The following ZNF572 variants were observed in gnomAD, a reference collection of about 807,000 sequenced individuals.
ZNF572 encodes zinc finger protein 572.
Under a neutral mutation model 3.8 loss-of-function variants are expected in ZNF572, and 2 were observed. That is an observed-to-expected ratio of 0.52 (90% confidence interval 0.21 to 1.65). The LOEUF is 1.65. ZNF572 is among the 40% of genes most tolerant of loss of function. The pLI is 0.20. For missense variants in ZNF572, 581 were observed against 633.4 expected (o/e 0.92, Z 0.89); for synonymous variants, 187 against 204.5 (o/e 0.91, Z 0.73).
chr8:124,974,582 A>T (rs1814479867), intron 1 of ZNF572, among the ~76,000 whole-genome samples: 1 of 152,096 alleles, frequency 6.6e-6, no homozygotes, highest in African/African-American at 2.4e-5. Context: ...TTACGTCCTT[A>T]TTTTTCTCCC....
chr8:124,978,026 T>A lies in ZNF572; in HGVS notation c.*168T>A, dbSNP rs1010421778. ...GGGAAGACCCCAATCACCAGGTTATTGGATCTGTCCAGTGAGAGATTCATC... is the reference window on the plus strand; with the variant it reads ...GGGAAGACCCCAATCACCAGGTTATAGGATCTGTCCAGTGAGAGATTCATC... On this transcript the variant is annotated 3_prime_UTR_variant, in exon 3 of 3. Transcript: ENST00000319286. The A allele has an allele frequency of 9.9e-6, 7 of 705,938 alleles. No homozygotes were observed. The highest frequency in any genetic ancestry group is 1.4e-5 in the Non-Finnish European group (6 of 441,368). The allele number at this position is 705,938 out of a possible 1,614,324, so 43.7% of individuals were successfully genotyped here. A position where few individuals can be genotyped will look rare whatever the true frequency, so the allele number is the denominator to read the frequency against.
In ZNF572 at chr8:124,975,734, CGAT is replaced by C; in HGVS notation, c.79+19_79+21del. The C allele has an allele frequency of 6.2e-7, 1 of 1,603,534 alleles. No homozygotes were observed. The highest frequency in any genetic ancestry group is 1.3e-5 in the African/African-American group (1 of 74,788). ...CCCTTTCACAGGTGAGGGATCAAGA[CGAT>C]GATCTGAATCCTTAGGAAATTTGAT... On this transcript the variant is annotated intron_variant, in intron 2 of 2. Transcript: ENST00000319286.
chr8:124,974,993 A>G (rs1814489101), intron 1 of ZNF572, among the ~76,000 whole-genome samples: 1 of 152,184 alleles, frequency 6.6e-6, no homozygotes, highest in South Asian at 2.1e-4. Flanking sequence ...TGTGAATATG[A>G]TAGACTTAGG....
Position 124,978,489 on chromosome 8 carries a change from T to A in ZNF572, c.*631T>A, listed in dbSNP as rs1814541460. 6.6e-6 allele frequency: 1 copy of A among 152,252 alleles called. No homozygotes were observed. Among genetic ancestry groups the A allele is most frequent in the African/African-American group, 2.4e-5 (1 of 41,474 alleles). 9.4% of individuals were successfully genotyped at this position (152,252 alleles called of 1,614,324 possible). A position where few individuals can be genotyped will look rare whatever the true frequency, so the allele number is the denominator to read the frequency against. On this transcript the variant is annotated 3_prime_UTR_variant, in exon 3 of 3. Transcript: ENST00000319286. ...TTTCTAAGTGCTCAGTAGCTCTGTG[T>A]GACCAGCGGCTACTGTATTGGATAT... is the stretch of plus-strand genomic sequence containing the variant.
Position 124,977,864 on chromosome 8 carries a change from A to G in ZNF572, c.*6A>G, listed in dbSNP as rs367902889. The G allele has an allele frequency of 1.4e-5, 22 of 1,556,668 alleles. No homozygotes were observed. Among genetic ancestry groups the G allele is most frequent in the Non-Finnish European group, 1.8e-5 (21 of 1,153,376 alleles). On this transcript the variant is annotated 3_prime_UTR_variant, in exon 3 of 3. Transcript: ENST00000319286. ...TCTCAAATTCATCTTCCTGAGTCCC[A>G]AAGCCTGGTTGGTGATGGTTTTTTC...
chr8:124,975,980 AT>A (rs1814500520), intron 2 of ZNF572, among the ~76,000 whole-genome samples: 1 of 152,226 alleles, frequency 6.6e-6, no homozygotes, highest in Non-Finnish European at 1.5e-5. Flanking sequence ...ATTTGCTCAG[AT>A]TTTAGCAAAG....
At chr8:124,975,796 C>T in intron 2 of ZNF572, 77 bp downstream of exon 2, 2 of 1,138,620 alleles carry the variant, frequency 1.8e-6, no homozygotes, top group Non-Finnish European at 2.6e-6. Flanking sequence ...TGAGACAAAC[C>T]TTAATTTAAT....
chr8:124,976,511 G>A lies in ZNF572; in HGVS notation c.243G>A (p.Trp81Ter), dbSNP rs146924154. The change falls in exon 3 of 3, where the codon TGG becomes TGA. Residue 81 changes from tryptophan (W) to a stop codon, truncating the protein, a stop_gained. Transcript: ENST00000319286. LOFTEE classifies it low-confidence loss of function (END_TRUNC). ...TGACATGGGTTCAAGATGAGATTTGGTGTCATGATTCCTATGAGAGTGATG... is the reference window on the plus strand; with the variant it reads ...TGACATGGGTTCAAGATGAGATTTGATGTCATGATTCCTATGAGAGTGATG... ...MPLTWVQDEIWCHDSYESDGK... is the reference protein window; with the variant it reads ...MPLTWVQDEI 6.2e-7 allele frequency: 1 copy of A among 1,614,048 alleles called. No individual in the cohort carries two copies. The highest frequency in any genetic ancestry group is 1.3e-5 in the African/African-American group (1 of 74,938).
Position 124,976,869 on chromosome 8 carries a change from T to TC in ZNF572, c.604dup (p.His202ProfsTer6), listed in dbSNP as rs1264668971. On this transcript the variant is annotated frameshift_variant, in exon 3 of 3. Coordinates refer to ENST00000319286, the MANE Select transcript of ZNF572 (RefSeq NM_152412.3). LOFTEE classifies it low-confidence loss of function (END_TRUNC). ...ATGTGGGAAAAGCTTCAGCAATACC[T>TC]CCCATCTTATTATCCATGAGAGAAC... The TC allele has an allele frequency of 1.2e-6, 2 of 1,613,888 alleles. No individual in the cohort carries two copies. The highest frequency in any genetic ancestry group is 2.7e-5 in the African/African-American group (2 of 74,862).
At position 124,977,655 on chromosome 8, in the gene ZNF572, A is replaced by C; in HGVS notation, c.1387A>C (p.Ile463Leu). Residue 463 changes from isoleucine to leucine, a missense_variant, in exon 3 of 3, where the codon ATA (isoleucine) becomes CTA (leucine). By Grantham distance (5) the Ile-to-Leu change is conservative. Transcript: ENST00000319286. Reference sequence around the variant, plus strand: ...CCTTATCAGGCACCGGAGGACCCACATAGGGGAAAAACCTTACAAATGTAC... The same window carrying C: ...CCTTATCAGGCACCGGAGGACCCACCTAGGGGAAAAACCTTACAAATGTAC... ...FNLIRHRRTH[I>L]GEKPYKCTSC... 1.2e-6 allele frequency: 2 copies of C among 1,614,230 alleles called. No individual in the cohort carries two copies. The highest frequency in any genetic ancestry group is 8.5e-7 in the Non-Finnish European group (1 of 1,180,038).
In ZNF572 at chr8:124,977,836, C is replaced by T. The variant is rs1000537200; in HGVS notation, c.1568C>T (p.Ser523Phe). 3 of 1,588,034 alleles carry T rather than the reference C, an allele frequency of 1.9e-6. No homozygotes were observed. Among genetic ancestry groups the T allele is most frequent in the Non-Finnish European group, 2.6e-6 (3 of 1,165,866 alleles). ...SGEMPFISSF[S>F]VSNSSS is the part of the protein sequence containing the mutation. ...GAAATGCCCTTCATCTCTTCATTTT[C>T]CGTCTCAAATTCATCTTCCTGAGTC... Residue 523 changes from serine to phenylalanine, a missense_variant, in exon 3 of 3, where the codon TCC (serine) becomes TTC (phenylalanine). Physicochemically the swap from Ser to Phe is radical, Grantham distance 155. Coordinates refer to ENST00000319286, the MANE Select transcript of ZNF572 (RefSeq NM_152412.3).
chr8:124,974,020 C>T (rs1353193036), intron 1 of ZNF572, among the ~76,000 whole-genome samples: 1 of 151,778 alleles, frequency 6.6e-6, no homozygotes, highest in African/African-American at 2.4e-5. Flanking sequence ...CCTTTTTTTG[C>T]ATTCAGGTGT....
In ZNF572 at chr8:124,976,470, G is replaced by T. The variant is rs569706719; in HGVS notation, c.202G>T (p.Ala68Ser). Reference protein sequence around the residue: ...HRPQHYKHEDAKEMPLTWVQD... With the variant: ...HRPQHYKHEDSKEMPLTWVQD... The stretch of plus-strand genomic sequence containing the variant: ...ACCACAACATTATAAGCATGAGGAT[G>T]CAAAAGAAATGCCACTGACATGGGT... The change falls in exon 3 of 3, where the codon GCA (alanine) becomes TCA (serine). Residue 68 changes from alanine (A) to serine (S), a missense_variant. Transcript: ENST00000319286. 1.0e-4 allele frequency: 168 copies of T among 1,614,146 alleles called. No homozygotes were observed. The East Asian group carries it at 3.3e-3, about 31-fold the overall frequency.
chr8:124,976,356 A>G lies in ZNF572; in HGVS notation c.88A>G (p.Ser30Gly). 6.3e-7 allele frequency: 1 copy of G among 1,583,606 alleles called. No individual in the cohort carries two copies. The highest frequency in any genetic ancestry group is 8.6e-7 in the Non-Finnish European group (1 of 1,165,632). Residue 30 changes from serine to glycine, a missense_variant, in exon 3 of 3, where the codon AGT becomes GGT. Physicochemically the swap from Ser to Gly is moderately conservative, Grantham distance 56. Coordinates refer to ENST00000319286, the MANE Select transcript of ZNF572 (RefSeq NM_152412.3). ...TTTGTTTATTCTTGCAGGAGATACA[A>G]GTATGAATAATTTGGAAACTGTTCA... ...SLKSPFTGDT[S>G]MNNLETVHHN...
At chr8:124,973,515 C>A (rs963841736) in intron 1 of ZNF572, 99 bp downstream of exon 1, 1 of 152,208 alleles carries the variant, frequency 6.6e-6, no homozygotes, top group African/African-American at 2.4e-5. Context: ...AGAGAGTTCC[C>A]GCTGCTGCCA....
chr8:124,977,162 G>A lies in ZNF572; in HGVS notation c.894G>A (p.Lys298=), dbSNP rs756133536. 1.2e-6 allele frequency: 2 copies of A among 1,609,472 alleles called. No individual in the cohort carries two copies. The highest frequency in any genetic ancestry group is 1.7e-5 in the Admixed American group (1 of 60,026). ...ACCAGCGGACACACACAGGTGAGAAGCCCTACAAATGTCTTGAGTGTGAAA... is the reference window on the plus strand; with the variant it reads ...ACCAGCGGACACACACAGGTGAGAAACCCTACAAATGTCTTGAGTGTGAAA... ...IRHQRTHTGE[K]PYKCLECEKS... is the part of the protein sequence containing the mutation. The change falls in exon 3 of 3, where the codon AAG becomes AAA. Residue 298 remains lysine, a synonymous_variant. Transcript: ENST00000319286.
At chr8:124,974,999 T>G (rs1409921479) in intron 1 of ZNF572, among the ~76,000 whole-genome samples, 2 of 152,176 alleles carry the variant, frequency 1.3e-5, no homozygotes, top group African/African-American at 2.4e-5. Context: ...TATGATAGAC[T>G]TAGGAACTAA....
chr8:124,976,223 A>T (rs779453207), intron 2 of ZNF572, 125 bp from the exon 3 acceptor site: 28 of 878,382 alleles, frequency 3.2e-5, no homozygotes, highest in Non-Finnish European at 4.4e-5. Flanking sequence ...TGTCTTTAAA[A>T]ACTTTTTTAT....
rs747177840 is a variant in ZNF572, at chr8:124,977,705, A to C, written c.1437A>C (p.Arg479Ser). Residue 479 changes from arginine (R) to serine (S), a missense_variant, in exon 3 of 3, where the codon AGA becomes AGC. By Grantham distance (110) the Arg-to-Ser change is moderately radical. Transcript: ENST00000319286. Reference sequence around the variant, plus strand: ...CCAGCTGTGAGAAATGCTTCAGCAGAAGTGCCTACCTCAGTCAGCATCGGA... The same window carrying C: ...CCAGCTGTGAGAAATGCTTCAGCAGCAGTGCCTACCTCAGTCAGCATCGGA... ...KCTSCEKCFS[R>S]SAYLSQHRKI... is the part of the protein sequence containing the mutation. 14 of 1,614,142 alleles carry C rather than the reference A, an allele frequency of 8.7e-6. No individual in the cohort carries two copies. Among genetic ancestry groups the C allele is most frequent in the Non-Finnish European group, 1.2e-5 (14 of 1,180,052 alleles).
Sources: allele counts gnomAD v4.1 joint callset (sites outside exome capture counted in the v4.1 genomes callset), GRCh38; gene constraint gnomAD v4.1.1; transcripts MANE v1.5; gene names NCBI Gene and HGNC (gene_info 2026-07-23, HGNC 2026-07-21).